The following ACOXL variants were observed in gnomAD, a reference collection of about 807,000 sequenced individuals.
ACOXL encodes the protein acyl-CoA oxidase like.
A neutral mutation model predicts 71.9 loss-of-function variants in ACOXL; 70 were observed. The ratio of observed to expected loss-of-function variants is 0.97; its 90% confidence interval spans 0.80 to 1.19. The LOEUF (loss-of-function observed/expected upper bound fraction) is 1.19. Among genes scored for constraint, ACOXL ranks in the 50% most tolerant of loss-of-function variants. ACOXL has a pLI of 0.00. For missense variants in ACOXL, 703 were observed against 736.3 expected, an observed-to-expected ratio of 0.95 and a Z score of 0.52; for synonymous variants, 253 against 281.6, an observed-to-expected ratio of 0.90 and a Z score of 1.02.
In ACOXL at chr2:111,031,741, T is replaced by C. The variant is rs184194484; in HGVS notation, c.1369+27T>C. 1.4e-5 allele frequency: 23 copies of C among 1,609,110 alleles called. No individual in the cohort carries two copies. In the African/African-American group the frequency reaches 2.8e-4, roughly 20 times the overall value. ...TCAGTTGGCTCCTGTTGAATATTTGTAATTGAGTGACTCAGGGGTCTACGG... is the reference window on the plus strand; with the variant it reads ...TCAGTTGGCTCCTGTTGAATATTTGCAATTGAGTGACTCAGGGGTCTACGG... On this transcript the variant is annotated intron_variant, in intron 15 of 17. Transcript: ENST00000439055.
intron 9 of ACOXL, among the ~76,000 whole-genome samples, chr2:110,828,053 C>T (rs1193597142): frequency 6.6e-6 from 1 of 152,186 alleles, no homozygotes; most frequent in Non-Finnish European, 1.5e-5. Flanking sequence ...TCACTGTAAC[C>T]TCCACCTCCC....
chr2:110,867,689 G>A (rs1015093367), intron 10 of ACOXL, among the ~76,000 whole-genome samples: 4 of 152,114 alleles, frequency 2.6e-5, no homozygotes, highest in African/African-American at 4.8e-5. Context: ...GAGTCTTTGC[G>A]TTTTAGAAAT....
At chr2:111,109,046 T>C (rs950782216) in intron 17 of ACOXL, among the ~76,000 whole-genome samples, 2 of 152,226 alleles carry the variant, frequency 1.3e-5, no homozygotes, top group African/African-American at 4.8e-5. Context: ...AGAACTCACC[T>C]AATCAGAGTC....
At chr2:110,818,011 C>G (rs1042676484) in intron 9 of ACOXL, among the ~76,000 whole-genome samples, 1 of 149,940 alleles carries the variant, frequency 6.7e-6, no homozygotes, top group South Asian at 2.1e-4. Context: ...CCTTTTACTG[C>G]CATAAAATGC....
chr2:111,010,965 A>G (rs2064123366), intron 14 of ACOXL, among the ~76,000 whole-genome samples: 1 of 152,228 alleles, frequency 6.6e-6, no homozygotes, highest in Non-Finnish European at 1.5e-5. Flanking sequence ...ACAAAATGAA[A>G]GTAAATGGAA....
intron 14 of ACOXL, among the ~76,000 whole-genome samples, chr2:111,022,872 G>C (rs996159773): frequency 1.3e-5 from 2 of 152,046 alleles, no homozygotes; most frequent in African/African-American, 2.4e-5. Context: ...GAAGGAGGAA[G>C]AAAAAAGACT....
At chr2:111,033,106 A>T (rs1359324637) in intron 15 of ACOXL, among the ~76,000 whole-genome samples, 1 of 152,154 alleles carries the variant, frequency 6.6e-6, no homozygotes, top group Non-Finnish European at 1.5e-5. Flanking sequence ...CCACCCAGTG[A>T]CCACACTCTG....
chr2:110,997,172 A>G (rs1426298241), intron 14 of ACOXL, among the ~76,000 whole-genome samples: 1 of 152,210 alleles, frequency 6.6e-6, no homozygotes. Context: ...CGAAGACTAT[A>G]GAAGAAAAGG....
Position 111,118,070 on chromosome 2 carries a change from C to A in ACOXL, c.*254C>A, listed in dbSNP as rs1451886797. ...GAAACCCAGCCTGGCCTGACTGCAA[C>A]CTCTCCCAACTTCAGTGCCGGATCC... On this transcript the variant is annotated 3_prime_UTR_variant, in exon 18 of 18. Transcript: ENST00000439055. 3.5e-6 allele frequency: 2 copies of A among 573,784 alleles called. No homozygotes were observed. Among genetic ancestry groups the A allele is most frequent in the African/African-American group, 1.9e-5 (1 of 52,288 alleles). 35.5% of individuals were successfully genotyped at this position (573,784 alleles called of 1,614,324 possible).
At chr2:110,910,320 A>C (rs970903264) in intron 11 of ACOXL, among the ~76,000 whole-genome samples, 6 of 152,120 alleles carry the variant, frequency 3.9e-5, no homozygotes, top group Non-Finnish European at 8.8e-5. Flanking sequence ...GTTTATTTTT[A>C]TTGCTGAATA....
At chr2:110,916,351 T>C (rs970390350) in intron 11 of ACOXL, among the ~76,000 whole-genome samples, 6 of 152,158 alleles carry the variant, frequency 3.9e-5, no homozygotes, top group Admixed American at 6.5e-5. Flanking sequence ...AAATAAGTTC[T>C]TTGAAACCAA....
intron 12 of ACOXL, among the ~76,000 whole-genome samples, chr2:110,981,787 C>T (rs1271326540): frequency 2.0e-5 from 3 of 152,136 alleles, no homozygotes; most frequent in African/African-American, 4.8e-5. Flanking sequence ...AGAATAGTTG[C>T]GTGTGCATAG....
intron 1 of ACOXL, among the ~76,000 whole-genome samples, chr2:110,738,184 C>A (rs529484032): frequency 1.3e-5 from 2 of 152,218 alleles, no homozygotes; most frequent in African/African-American, 2.4e-5. Context: ...GAGATGCTAA[C>A]ATTCCCAACT....
chr2:110,969,113 A>G (rs2062065047), intron 12 of ACOXL, among the ~76,000 whole-genome samples: 1 of 152,244 alleles, frequency 6.6e-6, no homozygotes, highest in South Asian at 2.1e-4. Context: ...TTAAAAATAC[A>G]TAGAAATGAG....
intron 15 of ACOXL, among the ~76,000 whole-genome samples, chr2:111,035,603 G>C (rs889463122): frequency 6.6e-6 from 1 of 152,142 alleles, no homozygotes; most frequent in Non-Finnish European, 1.5e-5. Flanking sequence ...CCTCTTTCTG[G>C]TTCTTAATAA....
intron 12 of ACOXL, among the ~76,000 whole-genome samples, chr2:110,951,420 A>G (rs749766748): frequency 1.2e-4 from 18 of 152,188 alleles, no homozygotes; most frequent in Admixed American, 7.2e-4. Flanking sequence ...TTCCTTTCCA[A>G]TCATTTACAT....
chr2:110,908,664 A>AT, intron 10 of ACOXL, 125 bp from the exon 11 acceptor site: 1 of 741,664 alleles, frequency 1.3e-6, no homozygotes, highest in South Asian at 1.8e-5. Flanking sequence ...ATTTTAGGAA[A>AT]TTCAGATTTC....
intron 9 of ACOXL, among the ~76,000 whole-genome samples, chr2:110,827,316 C>T (rs991993845): frequency 2.0e-5 from 3 of 151,992 alleles, no homozygotes; most frequent in Non-Finnish European, 4.4e-5. Context: ...GTCATGATGA[C>T]GTCTAGGGGT....
At chr2:110,894,485 A>AGCTGAGTGGGGAGTATAGACT (rs1336882150) in intron 10 of ACOXL, among the ~76,000 whole-genome samples, 1 of 152,112 alleles carries the variant, frequency 6.6e-6, no homozygotes, top group African/African-American at 2.4e-5. Flanking sequence ...TGCCAACAAA[A>AGCTGAGTGGGGAGTATAGACT]GCTGAGTGGG....
Sources: gnomAD v4.1 joint callset for allele counts (sites outside exome capture counted in the v4.1 genomes callset) on GRCh38, gnomAD v4.1.1 for gene constraint, MANE v1.5 for transcripts, NCBI Gene and HGNC (gene_info 2026-07-23, HGNC 2026-07-21) for gene names.